Variants in KHDRBS3 observed in about 807,000 individuals in gnomAD.
KHDRBS3 encodes the protein KH RNA binding domain containing, signal transduction associated 3, also known as KH domain-containing, RNA-binding, signal transduction-associated protein 3.
Under a neutral mutation model 45.6 loss-of-function variants are expected in KHDRBS3, and 23 were observed. The ratio of observed to expected loss-of-function variants is 0.50; its 90% CI spans 0.36 to 0.72. The LOEUF is 0.72. Among genes scored for constraint, KHDRBS3 ranks in the 30% least tolerant of loss-of-function variants. KHDRBS3 has a pLI of 0.00. For missense variants in KHDRBS3, 352 were observed against 424.8 expected (o/e 0.83, Z 1.51); for synonymous variants, 162 against 156.5 (o/e 1.04, Z -0.26).
chr8:135,561,222 T>A (rs1210530674), intron 5 of KHDRBS3, among the ~76,000 whole-genome samples: 1 of 152,244 alleles, frequency 6.6e-6, no homozygotes, highest in Non-Finnish European at 1.5e-5. Context: ...AAATCATTAT[T>A]ACCTTCAAGT....
At chr8:135,487,727 G>C (rs1822936189) in intron 1 of KHDRBS3, among the ~76,000 whole-genome samples, 1 of 152,188 alleles carries the variant, frequency 6.6e-6, no homozygotes, top group South Asian at 2.1e-4. Flanking sequence ...GATAGTCCAT[G>C]GTGGATTTCA....
chr8:135,593,474 C>T (rs1231966519), intron 6 of KHDRBS3: 1 of 152,134 alleles, frequency 6.6e-6, no homozygotes, highest in African/African-American at 2.4e-5. Flanking sequence ...TTTTGATCTA[C>T]AGGACCCAGT....
At chr8:135,465,073 C>A (rs1821630311) in intron 1 of KHDRBS3, among the ~76,000 whole-genome samples, 1 of 152,198 alleles carries the variant, frequency 6.6e-6, no homozygotes, top group Non-Finnish European at 1.5e-5. Context: ...TAGGAACTTT[C>A]TGACCAGTGG....
chr8:135,562,548 A>G (rs1376422621), intron 5 of KHDRBS3, among the ~76,000 whole-genome samples: 1 of 152,164 alleles, frequency 6.6e-6, no homozygotes, highest in Non-Finnish European at 1.5e-5. Context: ...TTTTTCATGA[A>G]ATCACATGCG....
chr8:135,568,601 AAG>A (rs1449569992), intron 5 of KHDRBS3, among the ~76,000 whole-genome samples: 3 of 152,206 alleles, frequency 2.0e-5, no homozygotes, highest in Non-Finnish European at 2.9e-5. Flanking sequence ...ACTCTGAGCT[AAG>A]AGAATAAACA....
intron 7 of KHDRBS3, among the ~76,000 whole-genome samples, chr8:135,618,771 A>G (rs1054580540): frequency 6.6e-6 from 1 of 152,216 alleles, no homozygotes; most frequent in Admixed American, 6.5e-5. Context: ...TTCGCTGTGT[A>G]TGTGATCTTT....
intron 5 of KHDRBS3, among the ~76,000 whole-genome samples, 166 bp from the exon 6 acceptor site, chr8:135,581,712 G>C (rs949174551): frequency 1.3e-5 from 2 of 152,110 alleles, no homozygotes; most frequent in Admixed American, 1.3e-4. Flanking sequence ...ATTTCCTTTT[G>C]ACAGACACCT....
chr8:135,501,783 T>C (rs183790293), intron 1 of KHDRBS3, among the ~76,000 whole-genome samples: 2 of 152,242 alleles, frequency 1.3e-5, no homozygotes, highest in East Asian at 3.9e-4. Context: ...CTCAGAGAAG[T>C]CTTGTCCTTG....
At chr8:135,511,748 C>T (rs139225224) in intron 1 of KHDRBS3, among the ~76,000 whole-genome samples, 17 of 152,134 alleles carry the variant, frequency 1.1e-4, no homozygotes, top group African/African-American at 3.1e-4. Flanking sequence ...TGAGTAGAGA[C>T]GGTGTTTCAC....
intron 5 of KHDRBS3, among the ~76,000 whole-genome samples, chr8:135,572,151 G>A (rs1249214039): frequency 6.6e-6 from 1 of 152,160 alleles, no homozygotes; most frequent in African/African-American, 2.4e-5. Flanking sequence ...CTGATAGTTA[G>A]AAATGACAGA....
chr8:135,574,759 G>C (rs886396842), intron 5 of KHDRBS3, among the ~76,000 whole-genome samples: 16 of 152,264 alleles, frequency 1.1e-4, no homozygotes, highest in Middle Eastern at 6.8e-3. Context: ...ATATACTGGA[G>C]ATATACAAAG....
chr8:135,509,962 C>CT (rs368530191), intron 1 of KHDRBS3, among the ~76,000 whole-genome samples: 11,430 of 126,262 alleles, frequency 0.091, 760 homozygotes, highest in African/African-American at 0.24. Context: ...TTGAAATTTT[C>CT]TTTCCCCCCC....
intron 1 of KHDRBS3, among the ~76,000 whole-genome samples, chr8:135,488,538 C>T (rs142924683): frequency 2.5e-4 from 38 of 152,256 alleles, no homozygotes; most frequent in African/African-American, 8.9e-4. Context: ...GATTCAGCAT[C>T]TAGAGATTAG....
intron 7 of KHDRBS3, among the ~76,000 whole-genome samples, chr8:135,611,831 T>C (rs554716945): frequency 1.3e-5 from 2 of 151,924 alleles, no homozygotes; most frequent in Admixed American, 6.5e-5. Flanking sequence ...AAAATGCACA[T>C]ACTCTAACAC....
chr8:135,614,476 T>C (rs1647595121), intron 7 of KHDRBS3, among the ~76,000 whole-genome samples: 1 of 151,874 alleles, frequency 6.6e-6, no homozygotes, highest in Admixed American at 6.6e-5. Context: ...TAGTCTATGT[T>C]TCTGAAAAAG....
At chr8:135,533,266 T>C (rs1037904631) in intron 2 of KHDRBS3, among the ~76,000 whole-genome samples, 1 of 152,148 alleles carries the variant, frequency 6.6e-6, no homozygotes, top group Non-Finnish European at 1.5e-5. Flanking sequence ...TTTAAATTAG[T>C]GACAAAACCA....
chr8:135,483,714 A>C (rs960530721), intron 1 of KHDRBS3, among the ~76,000 whole-genome samples: 1 of 152,120 alleles, frequency 6.6e-6, no homozygotes, highest in Non-Finnish European at 1.5e-5. Flanking sequence ...CCTCCTGTCC[A>C]TCTGCCGTCT....
chr8:135,485,247 C>A lies in KHDRBS3; in HGVS notation c.88+27293C>A, dbSNP rs553562196. Among the ~76,000 whole-genome samples the A allele has an allele frequency of 2.0e-5, 3 of 152,272 alleles. No homozygotes were observed. The South Asian group carries it at 6.2e-4, about 32-fold the overall frequency. On this transcript the variant is annotated intron_variant, in intron 1 of 8. Coordinates refer to ENST00000355849, the MANE Select transcript of KHDRBS3 (RefSeq NM_006558.3). ...ACAGCAGTGACTGACATGAAGGAGA[C>A]ATTCAATGAAAGATATTGAATGAAT...
At position 135,480,849 on chromosome 8, in the gene KHDRBS3, T is replaced by C. The variant is rs552222035; in HGVS notation, c.88+22895T>C. On this transcript the variant is annotated intron_variant, in intron 1 of 8. Transcript: ENST00000355849. ...GCTGTGTAGTACTTCATGTTACATA[T>C]GTCATCATATTGTTAACTGATTCTT... 2.0e-5 allele frequency among the ~76,000 whole-genome samples: 3 copies of C among 152,280 alleles called. No individual in the cohort carries two copies. In the East Asian group the frequency reaches 5.8e-4, roughly 29 times the overall value.
Sources: gnomAD v4.1 joint callset for allele counts (sites outside exome capture counted in the v4.1 genomes callset) on GRCh38, gnomAD v4.1.1 for gene constraint, MANE v1.5 for transcripts, NCBI Gene and HGNC (gene_info 2026-07-23, HGNC 2026-07-21) for gene names.